PTPRN2: variants seen among roughly 807,000 people sequenced by gnomAD.
PTPRN2 encodes receptor-type tyrosine-protein phosphatase N2.
A neutral mutation model predicts 118.8 loss-of-function variants in PTPRN2; 74 were observed. That is an observed-to-expected ratio of 0.62 (90% CI 0.52 to 0.76). PTPRN2 has a LOEUF of 0.76. Among genes scored for constraint, PTPRN2 ranks in the 30% least tolerant of loss-of-function variants. PTPRN2 has a pLI of 0.00. For synonymous variants in PTPRN2, 641 were observed against 608.0 expected (o/e 1.05, Z -0.80); for missense variants, 1,481 against 1,394.4 (o/e 1.06, Z -0.99).
At chr7:158,021,143 T>C (rs1806845361) in intron 11 of PTPRN2, among the ~76,000 whole-genome samples, 1 of 152,244 alleles carries the variant, frequency 6.6e-6, no homozygotes, top group Admixed American at 6.5e-5. Flanking sequence ...TCCTTCAGTC[T>C]CTTAATCATT....
chr7:158,336,688 C>G (rs371281623), intron 2 of PTPRN2, among the ~76,000 whole-genome samples: 9,750 of 89,570 alleles, frequency 0.11, 7 homozygotes, highest in Admixed American at 0.15. Flanking sequence ...AGAGCTGACG[C>G]CCGCAGACGT....
intron 6 of PTPRN2, among the ~76,000 whole-genome samples, chr7:158,154,936 G>A (rs772566080): frequency 6.6e-5 from 10 of 152,196 alleles, no homozygotes; most frequent in Non-Finnish European, 1.2e-4. Context: ...GAGAAATGAG[G>A]AAGTATGTTT....
chr7:158,063,813 C>A (rs10265818), intron 11 of PTPRN2, among the ~76,000 whole-genome samples: 122,889 of 152,220 alleles, frequency 0.81, 50,609 homozygotes, highest in African/African-American at 0.95. Flanking sequence ...AGAACCCACC[C>A]ATTCTGGACA....
intron 11 of PTPRN2, among the ~76,000 whole-genome samples, chr7:158,060,100 C>G (rs36059568): frequency 1.8e-5 from 2 of 113,426 alleles, no homozygotes; most frequent in African/African-American, 4.4e-5. Flanking sequence ...CCCACGGTGA[C>G]ACATCACTGC....
intron 11 of PTPRN2, among the ~76,000 whole-genome samples, chr7:157,976,067 A>G (rs1356311085): frequency 6.6e-6 from 1 of 152,250 alleles, no homozygotes; most frequent in East Asian, 1.9e-4. Context: ...CTCACCATCC[A>G]AGTCCTTGTA....
intron 22 of PTPRN2, among the ~76,000 whole-genome samples, chr7:157,545,866 A>T (rs1398411117): frequency 6.6e-6 from 1 of 152,060 alleles, no homozygotes; most frequent in Non-Finnish European, 1.5e-5. Flanking sequence ...CGTTCAAAGG[A>T]GCTGCAGGCG....
chr7:157,807,381 G>T (rs577709451), intron 12 of PTPRN2, among the ~76,000 whole-genome samples: 1 of 152,338 alleles, frequency 6.6e-6, no homozygotes, highest in South Asian at 2.1e-4. Flanking sequence ...GCCAGAACGA[G>T]TGTGGGTTCA....
rs557651536 is a variant in PTPRN2, at chr7:158,502,354, G to A, written c.113-12569C>T. On this transcript the variant is annotated intron_variant, in intron 1 of 22. Coordinates refer to ENST00000389418, the MANE Select transcript of PTPRN2 (RefSeq NM_002847.5). ...AACTTAGCCAACTCTTGATTTATTA[G>A]AAGGAGATCAGGTTCTTCACAAGAT... Among the ~76,000 whole-genome samples, 288 of 152,346 alleles carry A rather than the reference G, an allele frequency of 1.9e-3. 1 individual carries two copies. Among genetic ancestry groups the A allele is most frequent in the Middle Eastern group, 0.01 (3 of 294 alleles).
At chr7:157,872,951 T>C (rs1811200428) in intron 12 of PTPRN2, among the ~76,000 whole-genome samples, 1 of 152,216 alleles carries the variant, frequency 6.6e-6, no homozygotes, top group African/African-American at 2.4e-5. Flanking sequence ...AGGTGGTGCT[T>C]GTCCTCTTCC....
rs999771566 is a variant in PTPRN2 at position 158,509,160 on chromosome 7, C to A, written c.113-19375G>T. 6.6e-6 allele frequency among the ~76,000 whole-genome samples: 1 copy of A among 152,128 alleles called. No individual in the cohort carries two copies. Among genetic ancestry groups the A allele is most frequent in the South Asian group, 2.1e-4 (1 of 4,822 alleles). ...TTCTGTTGAAGAGAGAGGCGCCACA[C>A]ACAGCCTCCACGCAGCCTCCACCCA... On this transcript the variant is annotated intron_variant, in intron 1 of 22. Transcript: ENST00000389418. The surrounding 1 kb of genome is among the most constrained non-coding windows in gnomAD (Gnocchi z 4.4).
At chr7:158,092,895 C>T (rs867938318) in intron 10 of PTPRN2, among the ~76,000 whole-genome samples, 10 of 152,134 alleles carry the variant, frequency 6.6e-5, no homozygotes, top group South Asian at 2.1e-4. Context: ...CAAGAGAGCA[C>T]GCTGCTGTGG....
intron 10 of PTPRN2, among the ~76,000 whole-genome samples, chr7:158,087,089 C>T (rs964090160): frequency 2.6e-5 from 4 of 152,282 alleles, no homozygotes; most frequent in Admixed American, 6.5e-5. Flanking sequence ...AGCTGACATG[C>T]GACAGGGTTC....
intron 11 of PTPRN2, among the ~76,000 whole-genome samples, chr7:158,021,334 G>A (rs1282308326): frequency 1.3e-5 from 2 of 152,208 alleles, no homozygotes; most frequent in Non-Finnish European, 2.9e-5. Context: ...CAGCAGGTAA[G>A]AGGGAGGAAA....
chr7:158,391,110 C>T (rs1811891170), intron 2 of PTPRN2, among the ~76,000 whole-genome samples: 1 of 152,238 alleles, frequency 6.6e-6, no homozygotes, highest in South Asian at 2.1e-4. Context: ...CCATGTTTCA[C>T]GTTCAGATGT....
chr7:158,523,282 G>A (rs2129448027), intron 1 of PTPRN2, among the ~76,000 whole-genome samples: 1 of 152,310 alleles, frequency 6.6e-6, no homozygotes, highest in African/African-American at 2.4e-5. Context: ...ACGTCCCACG[G>A]TGAGGGCTGG....
chr7:158,536,028 C>A (rs1825623598), intron 1 of PTPRN2, among the ~76,000 whole-genome samples: 1 of 151,184 alleles, frequency 6.6e-6, no homozygotes, highest in African/African-American at 2.4e-5. Context: ...CCACACAAAA[C>A]ACTCAAAACA....
intron 5 of PTPRN2, among the ~76,000 whole-genome samples, chr7:158,188,742 T>G: frequency 1.8e-5 from 2 of 113,484 alleles, no homozygotes; most frequent in African/African-American, 3.3e-5. Flanking sequence ...CTCGCCGCCT[T>G]GTATGGGGAA....
At chr7:157,960,595 G>T (rs1801461612) in intron 11 of PTPRN2, among the ~76,000 whole-genome samples, 1 of 152,164 alleles carries the variant, frequency 6.6e-6, no homozygotes, top group Non-Finnish European at 1.5e-5. Context: ...TAGGGAAATA[G>T]CTAAGTAAAT....
rs1029145795 is a variant in PTPRN2, at chr7:157,682,762, C to A, written c.1964G>T (p.Gly655Val). The part of the protein sequence containing the change: ...HRLKEKLSGL[G>V]GDPGADATAA... ...AGTGGCATCTGCACCTGGGTCGCCCCCTAGTCCCGAGAGCTTCTCCTTCAG... is the reference window on the plus strand; with the variant it reads ...AGTGGCATCTGCACCTGGGTCGCCCACTAGTCCCGAGAGCTTCTCCTTCAG... The change falls in exon 13 of 23, where the codon GGG (glycine) becomes GTG (valine). Residue 655 changes from glycine (G) to valine (V), a missense_variant. By Grantham distance (109) the Gly-to-Val change is moderately radical (BLOSUM62 -3). Around this residue, in one of 3 missense-constraint regions of PTPRN2, gnomAD observed 1,115 missense variants for 994.2 expected, o/e 1.12. Coordinates refer to ENST00000389418, the MANE Select transcript of PTPRN2 (RefSeq NM_002847.5). The A allele has an allele frequency of 2.2e-5, 36 of 1,613,906 alleles. No individual in the cohort carries two copies. The highest frequency in any genetic ancestry group is 2.8e-5 in the Non-Finnish European group (33 of 1,180,044).
Sources: allele counts gnomAD v4.1 joint callset (sites outside exome capture counted in the v4.1 genomes callset), GRCh38; gene constraint gnomAD v4.1.1; regional missense constraint gnomAD v4.1.1; non-coding constraint Gnocchi (gnomAD v3.1); transcripts MANE v1.5; gene names NCBI Gene and HGNC (gene_info 2026-07-23, HGNC 2026-07-21).